Variants in GLIS3 observed in about 807,000 individuals in gnomAD.
GLIS3 encodes GLIS family zinc finger 3.
A neutral mutation model predicts 78.6 loss-of-function variants in GLIS3; 53 were observed. The ratio of observed to expected loss-of-function variants is 0.67; its 90% confidence interval spans 0.54 to 0.85. GLIS3 has a LOEUF of 0.85. Among genes scored for constraint, GLIS3 ranks in the 40% least tolerant of loss-of-function variants. The pLI is 0.00. For missense variants in GLIS3, 1,703 were observed against 1,231.1 expected, an observed-to-expected ratio of 1.38 and a Z score of -5.74; for synonymous variants, 684 against 509.9, an observed-to-expected ratio of 1.34 and a Z score of -4.60.
At chr9:3,919,130 A>C (rs582393) in intron 6 of GLIS3, among the ~76,000 whole-genome samples, 2 of 152,196 alleles carry the variant, frequency 1.3e-5, no homozygotes, top group East Asian at 1.9e-4. Flanking sequence ...ACAATTTTCA[A>C]TTAGGTACTC....
chr9:4,299,568 G>A lies in GLIS3; in HGVS notation c.-246C>T, dbSNP rs903360862. ...GCGCTCCGCGGGCTGTGCCTCCTTC[G>A]GAAATGAAAACCCCCATCCAAACGG... On this transcript the variant is annotated 5_prime_UTR_variant, in exon 1 of 11. Coordinates refer to ENST00000381971, the MANE Select transcript of GLIS3 (RefSeq NM_001042413.2). The A allele has an allele frequency of 6.6e-6, 1 of 152,606 alleles. No homozygotes were observed. Among genetic ancestry groups the A allele is most frequent in the African/African-American group, 2.4e-5 (1 of 41,456 alleles). The allele number at this position is 152,606 out of a possible 1,614,324, so 9.5% of individuals were successfully genotyped here.
intron 2 of GLIS3, chr9:4,310,621 T>C (rs1011207739): frequency 5.3e-5 from 8 of 152,222 alleles, no homozygotes; most frequent in African/African-American, 1.9e-4. Context: ...TGTCTGAAGG[T>C]GCAGACACGG....
At chr9:4,320,650 G>A (rs1817510216) in intron 2 of GLIS3, among the ~76,000 whole-genome samples, 1 of 151,562 alleles carries the variant, frequency 6.6e-6, no homozygotes, top group African/African-American at 2.4e-5. Flanking sequence ...CATTACTGTT[G>A]CCACCATCAC....
At chr9:4,253,886 C>G (rs200260987) in intron 2 of GLIS3, among the ~76,000 whole-genome samples, 1 of 152,164 alleles carries the variant, frequency 6.6e-6, no homozygotes, top group African/African-American at 2.4e-5. Context: ...TTGCACTTCC[C>G]GGGTAAGGTG....
chr9:3,839,376 C>G (rs909813837), intron 9 of GLIS3, among the ~76,000 whole-genome samples: 1 of 152,152 alleles, frequency 6.6e-6, no homozygotes, highest in Non-Finnish European at 1.5e-5. Context: ...AAGTCCAGAG[C>G]TTTCTTACTG....
At chr9:4,265,037 T>G (rs1279088896) in intron 2 of GLIS3, among the ~76,000 whole-genome samples, 3 of 151,332 alleles carry the variant, frequency 2.0e-5, no homozygotes, top group African/African-American at 7.3e-5. Context: ...CCGGGTGTGG[T>G]GGCGGGCGCC....
the GLIS3 span, among the ~76,000 whole-genome samples, chr9:4,393,692 G>A: frequency 3.0e-4 from 46 of 152,298 alleles, no homozygotes; most frequent in Non-Finnish European, 5.4e-4. Flanking sequence ...CTTGTGATTA[G>A]ATTCAGGTTA....
At chr9:4,476,781 GA>G in the GLIS3 span, among the ~76,000 whole-genome samples, 2 of 151,952 alleles carry the variant, frequency 1.3e-5, no homozygotes, top group African/African-American at 4.8e-5. Flanking sequence ...GATTTTCAAG[GA>G]AAAGAGAAAA....
At chr9:4,109,400 T>C (rs932576929) in intron 4 of GLIS3, among the ~76,000 whole-genome samples, 4 of 152,252 alleles carry the variant, frequency 2.6e-5, no homozygotes, top group African/African-American at 9.6e-5. Context: ...AGATTTTTAA[T>C]TGTTTTCTTT....
At chr9:4,016,963 C>T (rs140578711) in intron 4 of GLIS3, among the ~76,000 whole-genome samples, 12 of 152,292 alleles carry the variant, frequency 7.9e-5, no homozygotes, top group Non-Finnish European at 1.0e-4. Context: ...ATCCACAAGC[C>T]GAACAATCAC....
At chr9:4,310,591 C>T (rs1415670803) in intron 2 of GLIS3, 1 of 152,302 alleles carries the variant, frequency 6.6e-6, no homozygotes, top group South Asian at 2.1e-4. Context: ...CCCTCCCTGC[C>T]TCCAAAGCTA....
intron 2 of GLIS3, among the ~76,000 whole-genome samples, chr9:4,277,178 CT>C (rs1472376900): frequency 6.6e-6 from 1 of 152,100 alleles, no homozygotes; most frequent in Non-Finnish European, 1.5e-5. Context: ...TGTTAGCAGA[CT>C]TTTTTCATTG....
chr9:4,240,917 A>C lies in GLIS3; in HGVS notation c.388+45121T>G, dbSNP rs1379787861. On this transcript the variant is annotated intron_variant, in intron 2 of 10. Transcript: ENST00000381971. ...AAAAATTAATGACACAGGAGGAAAA[A>C]AAGAGAACTTTAGATACTCTTAAGA... 2.0e-5 allele frequency among the ~76,000 whole-genome samples: 3 copies of C among 151,288 alleles called. No individual in the cohort carries two copies. In the East Asian group the frequency reaches 5.8e-4, roughly 29 times the overall value.
At chr9:3,984,159 G>A (rs979873817) in intron 4 of GLIS3, among the ~76,000 whole-genome samples, 6 of 152,124 alleles carry the variant, frequency 3.9e-5, no homozygotes, top group Admixed American at 3.9e-4. Context: ...GTCCCTCCTA[G>A]GGCACCACTT....
chr9:4,214,628 G>C (rs1182928358), intron 2 of GLIS3, among the ~76,000 whole-genome samples: 3 of 152,030 alleles, frequency 2.0e-5, no homozygotes, highest in Admixed American at 6.6e-5. Flanking sequence ...TTTTTCTTCT[G>C]GTTTTCATTT....
intron 2 of GLIS3, among the ~76,000 whole-genome samples, chr9:4,252,103 G>C (rs4625082): frequency 2.0e-5 from 3 of 151,932 alleles, no homozygotes; most frequent in African/African-American, 7.3e-5. Context: ...TCTTCTCAAG[G>C]AGTATCTTTG....
At chr9:3,962,889 G>C (rs1291830074) in intron 4 of GLIS3, among the ~76,000 whole-genome samples, 2 of 148,974 alleles carry the variant, frequency 1.3e-5, no homozygotes, top group East Asian at 2.1e-4. Context: ...CCAAGATCTG[G>C]ATGTGAATTT....
chr9:4,306,153 C>T (rs568303933), intron 4 of GLIS3: 36 of 152,220 alleles, frequency 2.4e-4, no homozygotes, highest in African/African-American at 8.7e-4. Flanking sequence ...GATCATAGCT[C>T]ACTACAGCCC....
At chr9:3,974,803 T>C (rs1312720366) in intron 4 of GLIS3, among the ~76,000 whole-genome samples, 1 of 152,170 alleles carries the variant, frequency 6.6e-6, no homozygotes, top group African/African-American at 2.4e-5. Context: ...TGTAAAAGTA[T>C]GCAGTTCGCT....
Sources: allele counts gnomAD v4.1 joint callset (sites outside exome capture counted in the v4.1 genomes callset), GRCh38; gene constraint gnomAD v4.1.1; transcripts MANE v1.5; gene names NCBI Gene and HGNC (gene_info 2026-07-23, HGNC 2026-07-21).